The following FAM114A1 variants were observed in gnomAD, a reference collection of about 807,000 sequenced individuals.
FAM114A1 encodes the protein family with sequence similarity 114 member A1.
Under a neutral mutation model 64.3 loss-of-function variants are expected in FAM114A1, and 62 were observed. The observed-to-expected ratio is 0.96, with a 90% confidence interval of 0.79 to 1.19. FAM114A1 has a LOEUF of 1.19. FAM114A1 is among the 50% of genes most tolerant of loss of function. FAM114A1 has a pLI of 0.00. For missense variants in FAM114A1, 645 were observed against 676.3 expected (o/e 0.95, Z 0.51); for synonymous variants, 254 against 251.1 (o/e 1.01, Z -0.11).
At chr4:38,885,276 C>T (rs962989779) in intron 3 of FAM114A1, among the ~76,000 whole-genome samples, 1 of 151,394 alleles carries the variant, frequency 6.6e-6, no homozygotes, top group African/African-American at 2.4e-5. Context: ...AGCCCGGCCC[C>T]GTCCTGTTTT....
At chr4:38,924,116 T>C (rs1322943071) in intron 9 of FAM114A1, among the ~76,000 whole-genome samples, 3 of 152,196 alleles carry the variant, frequency 2.0e-5, no homozygotes, top group Non-Finnish European at 4.4e-5. Context: ...ACAAGTTATA[T>C]ACCCTTTCTG....
At chr4:38,871,830 T>A (rs191722373) in intron 2 of FAM114A1, among the ~76,000 whole-genome samples, 19 of 152,344 alleles carry the variant, frequency 1.2e-4, no homozygotes, top group African/African-American at 4.6e-4. Flanking sequence ...TCTGTTCTTA[T>A]AAGCTCAAGG....
At chr4:38,924,958 T>G (rs1047092904) in intron 9 of FAM114A1, among the ~76,000 whole-genome samples, 2 of 152,212 alleles carry the variant, frequency 1.3e-5, no homozygotes, top group Non-Finnish European at 2.9e-5. Context: ...GGAGATATTG[T>G]TGCCAATGCA....
At chr4:38,908,866 C>G (rs1247327674) in intron 7 of FAM114A1, 140 bp downstream of exon 7, 1 of 847,938 alleles carries the variant, frequency 1.2e-6, no homozygotes, top group Admixed American at 3.0e-5. Flanking sequence ...AACTGAGCTT[C>G]TAATACCCCC....
chr4:38,929,448 C>T (rs776066969), intron 10 of FAM114A1, 115 bp downstream of exon 10: 4 of 777,710 alleles, frequency 5.1e-6, no homozygotes, highest in South Asian at 3.3e-5. Flanking sequence ...TCTTATGTGG[C>T]ATAGTGCCGG....
intron 4 of FAM114A1, among the ~76,000 whole-genome samples, chr4:38,897,205 G>A (rs1717023587): frequency 6.6e-6 from 1 of 152,202 alleles, no homozygotes; most frequent in Non-Finnish European, 1.5e-5. Flanking sequence ...TAGCTACACT[G>A]TGCCCTTAAC....
intron 3 of FAM114A1, among the ~76,000 whole-genome samples, chr4:38,886,019 G>T (rs1715762932): frequency 6.6e-6 from 1 of 152,148 alleles, no homozygotes; most frequent in Non-Finnish European, 1.5e-5. Flanking sequence ...CTACCGAGAG[G>T]TCAAGTAAGT....
At chr4:38,905,718 G>T (rs748518530) in intron 5 of FAM114A1, 37 bp from the exon 6 acceptor site, 1 of 1,610,776 alleles carries the variant, frequency 6.2e-7, no homozygotes, top group African/African-American at 1.3e-5. Flanking sequence ...TCAGATCAGC[G>T]ACGTGAACTC....
chr4:38,902,134 C>T (rs751900458), intron 4 of FAM114A1, among the ~76,000 whole-genome samples: 3 of 152,132 alleles, frequency 2.0e-5, no homozygotes, highest in African/African-American at 4.8e-5. Context: ...AGTTGGAATC[C>T]TGCCTTTGTC....
At chr4:38,903,409 C>A (rs1037993588) in intron 4 of FAM114A1, among the ~76,000 whole-genome samples, 11 of 152,166 alleles carry the variant, frequency 7.2e-5, no homozygotes, top group African/African-American at 2.7e-4. Flanking sequence ...GATGTGTGAT[C>A]ATCTTTCTTG....
In FAM114A1 at chr4:38,943,640, G is replaced by T; in HGVS notation, c.*83G>T. 1 of 1,195,010 alleles carries T rather than the reference G, an allele frequency of 8.4e-7. No individual in the cohort carries two copies. The highest frequency in any genetic ancestry group is 1.2e-6 in the Non-Finnish European group (1 of 810,708). 74.0% of individuals were successfully genotyped at this position (1,195,010 alleles called of 1,614,324 possible). A position where few individuals can be genotyped will look rare whatever the true frequency, so the allele number is the denominator to read the frequency against. ...CCATTTAAGGGGATGTTCTCTGTGC[G>T]CCTGGCCACAGACATCCATTTGAGG... On this transcript the variant is annotated 3_prime_UTR_variant, in exon 15 of 15. Coordinates refer to ENST00000358869, the MANE Select transcript of FAM114A1 (RefSeq NM_138389.4).
intron 7 of FAM114A1, among the ~76,000 whole-genome samples, chr4:38,911,783 T>G (rs1579358666): frequency 6.6e-6 from 1 of 151,432 alleles, no homozygotes; most frequent in Admixed American, 6.6e-5. Flanking sequence ...TTCTCACGTA[T>G]TTTTATCCTA....
At chr4:38,902,115 G>C (rs1293842258) in intron 4 of FAM114A1, among the ~76,000 whole-genome samples, 1 of 152,202 alleles carries the variant, frequency 6.6e-6, no homozygotes, top group African/African-American at 2.4e-5. Flanking sequence ...TCTAGAGTCA[G>C]AAGGACTGAG....
At chr4:38,907,132 G>C (rs928517786) in intron 6 of FAM114A1, among the ~76,000 whole-genome samples, 3 of 152,194 alleles carry the variant, frequency 2.0e-5, no homozygotes, top group African/African-American at 7.2e-5. Context: ...TATAGAAAAT[G>C]ACTGGTCTTC....
intron 3 of FAM114A1, among the ~76,000 whole-genome samples, chr4:38,889,518 G>A (rs776567860): frequency 2.0e-5 from 3 of 152,196 alleles, no homozygotes; most frequent in East Asian, 3.9e-4. Context: ...CACTATGCTC[G>A]CAACATTATA....
intron 6 of FAM114A1, among the ~76,000 whole-genome samples, 200 bp downstream of exon 6, chr4:38,906,061 A>G (rs1717976523): frequency 6.6e-6 from 1 of 152,098 alleles, no homozygotes; most frequent in African/African-American, 2.4e-5. Flanking sequence ...AATGAAATAT[A>G]TTTTATGTTT....
intron 4 of FAM114A1, among the ~76,000 whole-genome samples, chr4:38,898,795 G>A (rs1268549890): frequency 6.6e-6 from 1 of 151,962 alleles, no homozygotes; most frequent in African/African-American, 2.4e-5. Context: ...CGCTTTGGTT[G>A]AGCATGGCAG....
intron 2 of FAM114A1, among the ~76,000 whole-genome samples, chr4:38,875,818 T>C (rs1015957214): frequency 6.6e-6 from 1 of 152,208 alleles, no homozygotes; most frequent in Non-Finnish European, 1.5e-5. Context: ...CTTATTACTT[T>C]GAGATATGTT....
chr4:38,910,054 G>A (rs1312496860), intron 7 of FAM114A1, among the ~76,000 whole-genome samples: 14 of 151,934 alleles, frequency 9.2e-5, no homozygotes. Flanking sequence ...CCAAGATGGT[G>A]AAACCCTGTC....
Sources: gnomAD v4.1 joint callset for allele counts (sites outside exome capture counted in the v4.1 genomes callset) on GRCh38, gnomAD v4.1.1 for gene constraint, MANE v1.5 for transcripts, NCBI Gene and HGNC (gene_info 2026-07-23, HGNC 2026-07-21) for gene names.